The following EPB41L5 variants were observed in gnomAD, a reference collection of about 807,000 sequenced individuals.
The protein encoded by EPB41L5 is band 4.1-like protein 5.
EPB41L5 carries 55 observed loss-of-function variants against 106.6 expected under a neutral mutation model. The observed-to-expected ratio is 0.52, with a 90% CI of 0.42 to 0.65. EPB41L5 has a LOEUF of 0.65. Ranked by LOEUF, EPB41L5 falls within the 30% of genes least tolerant of loss-of-function variation. EPB41L5 has a pLI of 0.00. For missense variants in EPB41L5, 871 were observed against 882.1 expected (o/e 0.99, Z 0.16); for synonymous variants, 297 against 306.7 (o/e 0.97, Z 0.33).
chr2:120,102,474 A>G (rs1684205228), intron 16 of EPB41L5, among the ~76,000 whole-genome samples: 1 of 152,100 alleles, frequency 6.6e-6, no homozygotes, highest in South Asian at 2.1e-4. Flanking sequence ...TGTTTTGGAG[A>G]TAATGGACTC....
At chr2:120,132,715 T>C (rs771292107) in intron 18 of EPB41L5, among the ~76,000 whole-genome samples, 1 of 152,218 alleles carries the variant, frequency 6.6e-6, no homozygotes, top group Non-Finnish European at 1.5e-5. Context: ...GTCAGTTTTT[T>C]AAATATATCT....
intron 2 of EPB41L5, among the ~76,000 whole-genome samples, chr2:120,032,634 C>T (rs1436616647): frequency 6.6e-6 from 1 of 152,194 alleles, no homozygotes; most frequent in African/African-American, 2.4e-5. Context: ...CTAAACCCTT[C>T]CTTAGACTGT....
At chr2:120,084,616 T>C (rs904260263) in intron 10 of EPB41L5, among the ~76,000 whole-genome samples, 8 of 152,160 alleles carry the variant, frequency 5.3e-5, no homozygotes, top group Non-Finnish European at 1.0e-4. Flanking sequence ...GAGTTGCTCT[T>C]CTGGAGGAGT....
chr2:120,172,331 C>T (rs1021283229), intron 24 of EPB41L5, among the ~76,000 whole-genome samples: 1 of 152,148 alleles, frequency 6.6e-6, no homozygotes, highest in African/African-American at 2.4e-5. Context: ...AAATAGACTA[C>T]ACCAAGGAGC....
At chr2:120,027,729 T>C (rs1678430996) in intron 2 of EPB41L5, among the ~76,000 whole-genome samples, 1 of 152,174 alleles carries the variant, frequency 6.6e-6, no homozygotes, top group African/African-American at 2.4e-5. Context: ...TTTGAGGTGA[T>C]GAAAATGTTC....
chr2:120,064,763 C>G (rs138175537), intron 3 of EPB41L5, among the ~76,000 whole-genome samples: 1 of 152,306 alleles, frequency 6.6e-6, no homozygotes, highest in East Asian at 1.9e-4. Context: ...CTTTTATCTT[C>G]TAGTGTAATA....
rs1464250279 is a variant in EPB41L5 at position 120,061,042 on chromosome 2, T to TTTG, written c.286-12134_286-12133insGTT. Reference sequence around the variant, plus strand: ...ACTGGTTCAGGGAAGTTTTTTTTTTTTTTTTTTTTTTTTTTTGAGAAGGAG... The same window carrying TTTG: ...ACTGGTTCAGGGAAGTTTTTTTTTTTTTGTTTTTTTTTTTTTTTTGAGAAGGAG... On this transcript the variant is annotated intron_variant, in intron 3 of 24. Coordinates refer to ENST00000263713, the MANE Select transcript of EPB41L5 (RefSeq NM_020909.4). Among the ~76,000 whole-genome samples the TTTG allele has an allele frequency of 5.8e-4, 66 of 114,070 alleles. 1 individual carries two copies. The Middle Eastern group carries it at 0.016, about 28-fold the overall frequency. The allele number at this position is 114,070 out of a possible 152,430, so 74.8% of individuals were successfully genotyped here.
intron 3 of EPB41L5, among the ~76,000 whole-genome samples, chr2:120,067,268 T>C (rs1411300669): frequency 6.6e-6 from 1 of 152,256 alleles, no homozygotes; most frequent in Non-Finnish European, 1.5e-5. Flanking sequence ...ATTGCACTTT[T>C]GGATCTTGGA....
At chr2:120,066,275 C>T (rs938650067) in intron 3 of EPB41L5, among the ~76,000 whole-genome samples, 1 of 151,936 alleles carries the variant, frequency 6.6e-6, no homozygotes, top group Non-Finnish European at 1.5e-5. Flanking sequence ...AAAAATCACT[C>T]GCAATTTCAA....
chr2:120,022,531 C>T lies in EPB41L5; in HGVS notation c.180+3267C>T, dbSNP rs938176216. ...CGTGAACTCATCCTTTTTATGGCTGCATAGTATTCCATGGGGTATATGTGC... is the reference window on the plus strand; with the variant it reads ...CGTGAACTCATCCTTTTTATGGCTGTATAGTATTCCATGGGGTATATGTGC... On this transcript the variant is annotated intron_variant, in intron 2 of 24. Coordinates refer to ENST00000263713, the MANE Select transcript of EPB41L5 (RefSeq NM_020909.4). Among the ~76,000 whole-genome samples the T allele has an allele frequency of 1.3e-4, 20 of 152,176 alleles. 3 individuals are homozygous for T. Among genetic ancestry groups the T allele is most frequent in the Admixed American group, 1.2e-3 (18 of 15,270 alleles).
chr2:120,172,915 G>A (rs1377210720), intron 24 of EPB41L5, among the ~76,000 whole-genome samples: 1 of 152,144 alleles, frequency 6.6e-6, no homozygotes, highest in Non-Finnish European at 1.5e-5. Context: ...AATGTACTGA[G>A]AAGAGATCCA....
intron 2 of EPB41L5, among the ~76,000 whole-genome samples, chr2:120,032,798 G>T (rs533537551): frequency 3.3e-4 from 51 of 152,300 alleles, no homozygotes; most frequent in African/African-American, 1.1e-3. Context: ...TTGTTATACT[G>T]TAAGAGTAAC....
At chr2:120,083,025 A>G (rs886947472) in intron 10 of EPB41L5, among the ~76,000 whole-genome samples, 10 of 151,950 alleles carry the variant, frequency 6.6e-5, no homozygotes, top group African/African-American at 2.2e-4. Context: ...CTAGCAGTCT[A>G]TCAATTTTGT....
rs755009431 is a variant in EPB41L5, at chr2:120,013,092, G to C, written c.-127G>C. ...GGAGGTCGGGGTCCTCCGGGGATTA[G>C]AGCCGGTGGGCTCGTTGTGGGCGCC... On this transcript the variant is annotated 5_prime_UTR_variant, in exon 1 of 25. Coordinates refer to ENST00000263713, the MANE Select transcript of EPB41L5 (RefSeq NM_020909.4). The C allele has an allele frequency of 2.0e-5, 3 of 152,244 alleles. No individual in the cohort carries two copies. The highest frequency in any genetic ancestry group is 4.4e-5 in the Non-Finnish European group (3 of 68,078). 9.4% of individuals were successfully genotyped at this position (152,244 alleles called of 1,614,324 possible). A position where few individuals can be genotyped will look rare whatever the true frequency, so the allele number is the denominator to read the frequency against.
intron 2 of EPB41L5, among the ~76,000 whole-genome samples, chr2:120,039,829 A>G (rs1025531841): frequency 2.4e-4 from 33 of 137,638 alleles, no homozygotes; most frequent in East Asian, 1.4e-3. Flanking sequence ...CTGTCTCAGG[A>G]AAAAAAAAAA....
intron 17 of EPB41L5, among the ~76,000 whole-genome samples, chr2:120,130,510 T>G (rs978573203): frequency 5.3e-5 from 8 of 152,120 alleles, no homozygotes; most frequent in African/African-American, 1.7e-4. Context: ...CAGAAAAAGG[T>G]TTAACAACAA....
intron 16 of EPB41L5, among the ~76,000 whole-genome samples, chr2:120,110,616 T>C (rs998025511): frequency 6.6e-6 from 1 of 150,404 alleles, no homozygotes; most frequent in Non-Finnish European, 1.5e-5. Context: ...TCCCACACCC[T>C]CCTGCCCTAC....
intron 24 of EPB41L5, among the ~76,000 whole-genome samples, chr2:120,171,948 A>G (rs566391057): frequency 6.6e-6 from 1 of 152,174 alleles, no homozygotes; most frequent in Non-Finnish European, 1.5e-5. Flanking sequence ...AAAGGTCACA[A>G]AATCATAGTA....
chr2:120,121,390 C>T (rs907521607), intron 16 of EPB41L5, among the ~76,000 whole-genome samples: 3 of 152,090 alleles, frequency 2.0e-5, no homozygotes, highest in Non-Finnish European at 2.9e-5. Flanking sequence ...GTGGTGTTCC[C>T]TGCCTTGTGT....
Sources: allele counts gnomAD v4.1 joint callset (sites outside exome capture counted in the v4.1 genomes callset), GRCh38; gene constraint gnomAD v4.1.1; transcripts MANE v1.5; gene names NCBI Gene and HGNC (gene_info 2026-07-23, HGNC 2026-07-21).